Variants in SCN11A observed in about 807,000 individuals in gnomAD.
SCN11A encodes the protein sodium voltage-gated channel alpha subunit 11, also known as sodium channel protein type 11 subunit alpha.
In SCN11A, 122 loss-of-function variants were observed where a neutral mutation model predicts 162.2. The ratio of observed to expected loss-of-function variants is 0.75; its 90% CI spans 0.65 to 0.87. SCN11A has a LOEUF of 0.87. Ranked by LOEUF, SCN11A falls within the 40% of genes least tolerant of loss-of-function variation. SCN11A has a pLI of 0.00. For synonymous variants in SCN11A, 758 were observed against 751.5 expected, an observed-to-expected ratio of 1.01 and a Z score of -0.14; for missense variants, 2,015 against 2,181.6, an observed-to-expected ratio of 0.92 and a Z score of 1.52.
intron 10 of SCN11A, among the ~76,000 whole-genome samples, chr3:38,920,650 C>G (rs1203775746): frequency 6.8e-6 from 1 of 146,140 alleles, no homozygotes; most frequent in African/African-American, 2.6e-5. Flanking sequence ...GATGTCACTG[C>G]ACTCCGGCCT....
intron 2 of SCN11A, among the ~76,000 whole-genome samples, chr3:38,980,279 C>T (rs2029979540): frequency 6.6e-6 from 1 of 152,024 alleles, no homozygotes; most frequent in African/African-American, 2.4e-5. Context: ...GAATCATTTA[C>T]ATTACATGGA....
At chr3:38,872,395 G>A in intron 23 of SCN11A, 101 bp from the exon 24 acceptor site, 1 of 683,684 alleles carries the variant, frequency 1.5e-6, no homozygotes. Context: ...ATAAACGTGG[G>A]AACAATGCAC....
In SCN11A at chr3:39,032,418, C is replaced by T. The variant is rs1575366733; in HGVS notation, c.-318G>A. 1.3e-5 allele frequency among the ~76,000 whole-genome samples: 2 copies of T among 152,130 alleles called. No homozygotes were observed. The highest frequency in any genetic ancestry group is 3.4e-3 in the Middle Eastern group (1 of 292). On this transcript the variant is annotated 5_prime_UTR_variant, in exon 2 of 30. Transcript: ENST00000302328. ...TAAACAAGATGCCAACTCTAGGGTA[C>T]GGTGGAAAGACATACTGGATACTTT...
chr3:38,934,852 T>G (rs1337827631), intron 7 of SCN11A, among the ~76,000 whole-genome samples: 1 of 151,810 alleles, frequency 6.6e-6, no homozygotes, highest in Non-Finnish European at 1.5e-5. Flanking sequence ...ACCCAGGAAT[T>G]GAACTCAGCT....
intron 1 of SCN11A, among the ~76,000 whole-genome samples, chr3:39,039,157 C>T (rs1390099526): frequency 2.0e-5 from 3 of 152,232 alleles, no homozygotes; most frequent in Non-Finnish European, 4.4e-5. Flanking sequence ...AGATGGCAGT[C>T]TCAGCTCCAA....
Position 39,035,885 on chromosome 3 carries a change from C to T in SCN11A, c.-403-3382G>A, listed in dbSNP as rs547137695. Among the ~76,000 whole-genome samples, 10 of 152,326 alleles carry T rather than the reference C, an allele frequency of 6.6e-5. No homozygotes were observed. The South Asian group carries it at 8.3e-4, about 13-fold the overall frequency. On this transcript the variant is annotated intron_variant, in intron 1 of 29. Transcript: ENST00000302328. ...CAATCTCCTGACCTTGTGATCCACC[C>T]GCCTTGGCCTTCCAAAGTGCTGGGA...
chr3:38,889,799 CA>C (rs369957302), intron 19 of SCN11A, among the ~76,000 whole-genome samples: 3 of 118,550 alleles, frequency 2.5e-5, no homozygotes, highest in African/African-American at 6.4e-5. Flanking sequence ...GACTCCATCT[CA>C]AAAAAATAAA....
At chr3:38,924,013 C>CA (rs977242896) in intron 9 of SCN11A, among the ~76,000 whole-genome samples, 47 of 152,282 alleles carry the variant, frequency 3.1e-4, no homozygotes, top group African/African-American at 1.1e-3. Context: ...AACCCACACA[C>CA]ACTGTGCAGG....
In SCN11A at chr3:38,929,130, T is replaced by TGCGC. The variant is rs1442107589; in HGVS notation, c.489-2200_489-2199insGCGC. On this transcript the variant is annotated intron_variant, in intron 7 of 29. Coordinates refer to ENST00000302328, the MANE Select transcript of SCN11A (RefSeq NM_001349253.2). ...CACACTGTCAAAAATACTGGGTCTG[T>TGCGC]GCACGCACACACACACACACACACA... Among the ~76,000 whole-genome samples, 840 of 145,212 alleles carry TGCGC rather than the reference T, an allele frequency of 5.8e-3. 11 individuals are homozygous for TGCGC. The highest frequency in any genetic ancestry group is 0.017 in the African/African-American group (666 of 38,438).
intron 19 of SCN11A, among the ~76,000 whole-genome samples, chr3:38,893,569 C>G (rs2065536279): frequency 6.6e-6 from 1 of 152,166 alleles, no homozygotes; most frequent in South Asian, 2.1e-4. Context: ...AATACACATT[C>G]TTGTCAGGTA....
intron 2 of SCN11A, among the ~76,000 whole-genome samples, chr3:38,971,206 G>C (rs532223265): frequency 1.0e-3 from 156 of 151,850 alleles, no homozygotes; most frequent in African/African-American, 3.5e-3. Flanking sequence ...CCAGGTTGGA[G>C]CTCAGTGGCA....
At chr3:38,917,908 TA>T (rs765607263) in intron 11 of SCN11A, among the ~76,000 whole-genome samples, 4 of 151,800 alleles carry the variant, frequency 2.6e-5, no homozygotes, top group Non-Finnish European at 5.9e-5. Flanking sequence ...CCTACTGAAA[TA>T]AAAAAAATAC....
intron 3 of SCN11A, among the ~76,000 whole-genome samples, chr3:38,956,064 G>T (rs1168728028): frequency 6.6e-6 from 1 of 152,030 alleles, no homozygotes; most frequent in Non-Finnish European, 1.5e-5. Context: ...GGCCAACATG[G>T]TGAAACTTCA....
intron 9 of SCN11A, among the ~76,000 whole-genome samples, chr3:38,922,854 A>G (rs745420932): frequency 7.9e-5 from 12 of 152,134 alleles, no homozygotes; most frequent in Non-Finnish European, 1.5e-4. Context: ...GTTTATGTCT[A>G]TATCATCAGC....
chr3:38,863,167 A>G, intron 28 of SCN11A, 28 bp downstream of exon 28: 1 of 1,235,746 alleles, frequency 8.1e-7, no homozygotes, highest in Non-Finnish European at 1.2e-6. Context: ...ACTGTTCTAC[A>G]TATTTACAGT....
At chr3:39,048,391 AGAG>A (rs1229573462) in intron 1 of SCN11A, among the ~76,000 whole-genome samples, 1 of 152,184 alleles carries the variant, frequency 6.6e-6, no homozygotes, top group Non-Finnish European at 1.5e-5. Context: ...TTATATATAG[AGAG>A]GTTGGTTAAC....
chr3:38,950,374 G>A lies in SCN11A; in HGVS notation c.-7-5C>T. 1 of 1,612,480 alleles carries A rather than the reference G, an allele frequency of 6.2e-7. No individual in the cohort carries two copies. Among genetic ancestry groups the A allele is most frequent in the Non-Finnish European group, 8.5e-7 (1 of 1,179,748 alleles). On this transcript the variant is annotated splice_region_variant and splice_polypyrimidine_tract_variant and intron_variant, in intron 4 of 29. Coordinates refer to ENST00000302328, the MANE Select transcript of SCN11A (RefSeq NM_001349253.2). ...CATCTGTCATCCATCTTCACCCTCAGGACAGAGACAAGCCACAGATCCTCA... is the reference window on the plus strand; with the variant it reads ...CATCTGTCATCCATCTTCACCCTCAAGACAGAGACAAGCCACAGATCCTCA...
rs547194190 is a variant in SCN11A, at chr3:38,886,231, T to G, written c.2843A>C (p.Glu948Ala). 1 of 1,608,070 alleles carries G rather than the reference T, an allele frequency of 6.2e-7. No homozygotes were observed. The highest frequency in any genetic ancestry group is 2.2e-5 in the East Asian group (1 of 44,840). ...TQPEPEQQAY[E>A]LHQENKKPTS... The stretch of plus-strand genomic sequence containing the variant: ...GGGCTTCTTGTTCTCCTGATGGAGC[T>G]CATAGGCCTAACACAGAGAGCCCAG... The change falls in exon 20 of 30, where the codon GAG (glutamate) becomes GCG (alanine). Residue 948 changes from glutamate to alanine, a missense_variant. Physicochemically the swap from Glu to Ala is moderately radical, Grantham distance 107 (BLOSUM62 -1). Coordinates refer to ENST00000302328, the MANE Select transcript of SCN11A (RefSeq NM_001349253.2).
intron 16 of SCN11A, among the ~76,000 whole-genome samples, chr3:38,901,072 C>A (rs2065691663): frequency 6.6e-6 from 1 of 152,032 alleles, no homozygotes; most frequent in Non-Finnish European, 1.5e-5. Context: ...GGATTAAAGT[C>A]TTTACAAGGA....
Sources: gnomAD v4.1 joint callset for allele counts (sites outside exome capture counted in the v4.1 genomes callset) on GRCh38, gnomAD v4.1.1 for gene constraint, MANE v1.5 for transcripts, NCBI Gene and HGNC (gene_info 2026-07-23, HGNC 2026-07-21) for gene names.